The following ADGRV1 variants were observed in gnomAD, a reference collection of about 807,000 sequenced individuals.
ADGRV1 encodes adhesion G protein-coupled receptor V1.
In ADGRV1, 359 loss-of-function variants were observed where a neutral mutation model predicts 596.2. The observed-to-expected ratio is 0.60, with a 90% CI of 0.55 to 0.66. The LOEUF (loss-of-function observed/expected upper bound fraction) is 0.66. Among genes scored for constraint, ADGRV1 ranks in the 30% least tolerant of loss-of-function variants. The probability of loss-of-function intolerance (pLI) is 0.00; values close to 1 mark genes in which losing one functional copy is unlikely to be tolerated. For missense variants in ADGRV1, 7,274 were observed against 7,575.6 expected (o/e 0.96, Z 1.48); for synonymous variants, 2,681 against 2,679.2 (o/e 1.00, Z -0.02).
rs549050123 is a variant in ADGRV1, at chr5:90,693,891, G to A, written c.7135G>A (p.Gly2379Arg). Residue 2379 changes from glycine to arginine, a missense_variant and splice_region_variant, in exon 33 of 90, where the codon GGA (glycine) becomes AGA (arginine). By Grantham distance (125) the Gly-to-Arg change is moderately radical (BLOSUM62 -2). Coordinates refer to ENST00000405460, the MANE Select transcript of ADGRV1 (RefSeq NM_032119.4). ...TTTAATTGTCACTCCACATTTTAGC[G>A]GAGGGCACTTTGGTCGGCTGTTGTT... ...SCANITVRRSGGHFGRLLLFY... is the reference protein window; with the variant it reads ...SCANITVRRSRGHFGRLLLFY... The A allele has an allele frequency of 1.3e-5, 20 of 1,540,478 alleles. No individual in the cohort carries two copies. The highest frequency in any genetic ancestry group is 4.5e-5 in the East Asian group (2 of 44,070).
intron 85 of ADGRV1, among the ~76,000 whole-genome samples, chr5:91,010,065 T>C (rs1782600145): frequency 1.3e-5 from 2 of 152,064 alleles, no homozygotes; most frequent in Admixed American, 1.3e-4. Flanking sequence ...ATTTCATTCG[T>C]AAGAATTGGC....
chr5:90,862,805 T>A (rs1242891399), intron 82 of ADGRV1, among the ~76,000 whole-genome samples: 4 of 145,182 alleles, frequency 2.8e-5, no homozygotes, highest in African/African-American at 9.8e-5. Context: ...AAAGAAGTTA[T>A]GAGAAAATGA....
chr5:90,677,382 A>T (rs958074326), intron 25 of ADGRV1, among the ~76,000 whole-genome samples: 18 of 152,160 alleles, frequency 1.2e-4, no homozygotes, highest in Non-Finnish European at 7.4e-5. Context: ...AATGCATAAA[A>T]CAGTAGAAAT....
chr5:90,611,855 C>G (rs1336251580), intron 1 of ADGRV1, among the ~76,000 whole-genome samples: 1 of 151,776 alleles, frequency 6.6e-6, no homozygotes, highest in Non-Finnish European at 1.5e-5. Flanking sequence ...GGAAAGTGTA[C>G]CTAGCTACTC....
intron 87 of ADGRV1, among the ~76,000 whole-genome samples, chr5:91,108,864 T>C (rs1016226710): frequency 2.6e-5 from 4 of 152,178 alleles, no homozygotes; most frequent in Non-Finnish European, 5.9e-5. Flanking sequence ...CCCAAAGTGC[T>C]GGGATTATAG....
At chr5:91,032,227 C>T (rs1039343471) in intron 85 of ADGRV1, among the ~76,000 whole-genome samples, 1 of 152,058 alleles carries the variant, frequency 6.6e-6, no homozygotes. Context: ...GCCAGTGTGG[C>T]TCCAATAGAG....
intron 70 of ADGRV1, among the ~76,000 whole-genome samples, chr5:90,797,636 A>T (rs1270159849): frequency 1.3e-5 from 2 of 152,208 alleles, no homozygotes; most frequent in Non-Finnish European, 2.9e-5. Flanking sequence ...CCTAAGAGAC[A>T]TCTACAGGTA....
At chr5:90,725,964 T>G (rs957866677) in intron 48 of ADGRV1, among the ~76,000 whole-genome samples, 3 of 152,198 alleles carry the variant, frequency 2.0e-5, no homozygotes, top group African/African-American at 7.2e-5. Flanking sequence ...CACTAAAAAT[T>G]CATGATTAGC....
chr5:90,749,916 A>G (rs575985737), intron 52 of ADGRV1, among the ~76,000 whole-genome samples: 1 of 152,324 alleles, frequency 6.6e-6, no homozygotes, highest in African/African-American at 2.4e-5. Flanking sequence ...GCAGGAAAAA[A>G]CAGTTGTAAA....
At chr5:90,698,805 A>G (rs1747531219) in intron 34 of ADGRV1, among the ~76,000 whole-genome samples, 1 of 152,022 alleles carries the variant, frequency 6.6e-6, no homozygotes, top group Non-Finnish European at 1.5e-5. Flanking sequence ...AGGAGAGAGA[A>G]GCCTTTGCTG....
intron 85 of ADGRV1, among the ~76,000 whole-genome samples, chr5:90,985,791 A>G (rs888141960): frequency 7.9e-5 from 12 of 152,140 alleles, no homozygotes; most frequent in African/African-American, 2.7e-4. Flanking sequence ...ATTGGAGCAA[A>G]CTAATATTTA....
At chr5:90,605,545 G>A (rs1213541595) in intron 1 of ADGRV1, among the ~76,000 whole-genome samples, 3 of 151,986 alleles carry the variant, frequency 2.0e-5, no homozygotes, top group African/African-American at 7.3e-5. Context: ...TATTGTTCAT[G>A]GAAATGGCCA....
chr5:90,796,826 T>G (rs1038773274), intron 70 of ADGRV1, among the ~76,000 whole-genome samples: 6 of 152,040 alleles, frequency 3.9e-5, no homozygotes, highest in Admixed American at 6.5e-5. Flanking sequence ...TTCAACATTC[T>G]TAAAGAAAAG....
At chr5:91,137,756 G>A (rs1037456253) in intron 87 of ADGRV1, among the ~76,000 whole-genome samples, 1 of 152,168 alleles carries the variant, frequency 6.6e-6, no homozygotes, top group Non-Finnish European at 1.5e-5. Flanking sequence ...TAGACTACAT[G>A]AGTGGCCATG....
At chr5:91,127,594 A>G (rs916331253) in intron 87 of ADGRV1, among the ~76,000 whole-genome samples, 2 of 152,042 alleles carry the variant, frequency 1.3e-5, no homozygotes, top group Non-Finnish European at 2.9e-5. Context: ...AAAAGGGATC[A>G]CTTAAAGACT....
chr5:90,791,261 C>A lies in ADGRV1; in HGVS notation c.14432C>A (p.Pro4811Gln), dbSNP rs201747452. The A allele has an allele frequency of 3.9e-4, 625 of 1,609,590 alleles. No homozygotes were observed. The highest frequency in any genetic ancestry group is 5.0e-4 in the Non-Finnish European group (593 of 1,177,946). ...ATATCATCGGATCATAAAGAACAGC[C>A]GATTGTTACCGAAAATGCAGAGAGG... is the stretch of plus-strand genomic sequence containing the variant. Reference protein sequence around the residue: ...LRISSDHKEQPIVTENAERQL... With the variant: ...LRISSDHKEQQIVTENAERQL... The change falls in exon 70 of 90, where the codon CCG becomes CAG. Residue 4811 changes from proline (P) to glutamine (Q), a missense_variant. By Grantham distance (76) the Pro-to-Gln change is moderately conservative (BLOSUM62 -1). Coordinates refer to ENST00000405460, the MANE Select transcript of ADGRV1 (RefSeq NM_032119.4).
chr5:90,732,170 A>T (rs1752636431), intron 50 of ADGRV1, among the ~76,000 whole-genome samples: 1 of 151,918 alleles, frequency 6.6e-6, no homozygotes, highest in Admixed American at 6.6e-5. Flanking sequence ...CCACATAATT[A>T]AAAAAAAGTT....
At chr5:90,711,450 A>G (rs1000852494) in intron 41 of ADGRV1, 128 bp downstream of exon 41, 3 of 656,300 alleles carry the variant, frequency 4.6e-6, no homozygotes, top group Admixed American at 3.7e-5. Context: ...TTTTCACAGT[A>G]AATTAGGACA....
chr5:90,758,099 G>A (rs996877255), intron 57 of ADGRV1, among the ~76,000 whole-genome samples: 2 of 152,084 alleles, frequency 1.3e-5, no homozygotes, highest in Admixed American at 6.6e-5. Context: ...TTGGGAGGCC[G>A]AGGCGGGTGG....
Sources: allele counts gnomAD v4.1 joint callset (sites outside exome capture counted in the v4.1 genomes callset), GRCh38; gene constraint gnomAD v4.1.1; transcripts MANE v1.5; gene names NCBI Gene and HGNC (gene_info 2026-07-23, HGNC 2026-07-21).